Variants in KCNN3 observed in about 807,000 individuals in gnomAD.
KCNN3 encodes small conductance calcium-activated potassium channel protein 3.
KCNN3 carries 16 observed loss-of-function variants against 62.9 expected under a neutral mutation model. The observed-to-expected ratio is 0.25, with a 90% CI of 0.17 to 0.39. The LOEUF is 0.39. Among genes scored for constraint, KCNN3 ranks in the 10% least tolerant of loss-of-function variants. The probability of loss-of-function intolerance (pLI) is 1.00; values close to 1 mark genes in which losing one functional copy is unlikely to be tolerated. For synonymous variants in KCNN3, 370 were observed against 389.2 expected (o/e 0.95, Z 0.58); for missense variants, 599 against 949.4 (o/e 0.63, Z 4.85).
chr1:154,782,166 T>C (rs1220453845), intron 2 of KCNN3, among the ~76,000 whole-genome samples: 2 of 152,172 alleles, frequency 1.3e-5, no homozygotes, highest in Non-Finnish European at 2.9e-5. Context: ...CCCAGATCAT[T>C]GGGACCTTGG....
In KCNN3 at chr1:154,733,007, A is replaced by T; in HGVS notation, c.1586T>A (p.Ile529Asn). 6.2e-7 allele frequency: 1 copy of T among 1,614,144 alleles called. No individual in the cohort carries two copies. Among genetic ancestry groups the T allele is most frequent in the Non-Finnish European group, 8.5e-7 (1 of 1,180,010 alleles). The change falls in exon 4 of 8, where the codon ATC becomes AAC. Residue 529 changes from isoleucine to asparagine, a missense_variant. Physicochemically the swap from Ile to Asn is moderately radical, Grantham distance 149 (BLOSUM62 -3). Transcript: ENST00000271915. ...TGGGGAGAGGCGGGTACTCACCATGATGCCAGTGAGGAGACAGACACCTTT... is the reference window on the plus strand; with the variant it reads ...TGGGGAGAGGCGGGTACTCACCATGTTGCCAGTGAGGAGACAGACACCTTT... Reference protein sequence around the residue: ...CGKGVCLLTGIMGAGCTALVV... With the variant: ...CGKGVCLLTGNMGAGCTALVV...
chr1:154,836,019 C>T (rs182424170), intron 1 of KCNN3, among the ~76,000 whole-genome samples: 4 of 152,294 alleles, frequency 2.6e-5, no homozygotes, highest in East Asian at 1.9e-4. Context: ...GATCTGAGGG[C>T]GTCTGGAGGC....
intron 6 of KCNN3, among the ~76,000 whole-genome samples, chr1:154,714,126 G>T (rs200401800): frequency 1.8e-4 from 1 of 5,428 alleles, no homozygotes; most frequent in Non-Finnish European, 4.4e-4. Context: ...GTGTGTGTGG[G>T]TTGTGTGTGT....
At position 154,708,533 on chromosome 1, in the gene KCNN3, C is replaced by CT. The variant is rs201926552; in HGVS notation, c.1900-262dup. On this transcript the variant is annotated intron_variant, in intron 7 of 7. Transcript: ENST00000271915. Reference sequence around the variant, plus strand: ...ATGCACCAAGGGGAAAAAAATGGCCCTTTTTTTTTTCTTAAATAAAGTGAG... The same window carrying CT: ...ATGCACCAAGGGGAAAAAAATGGCCCTTTTTTTTTTTCTTAAATAAAGTGAG... 3.8e-3 allele frequency among the ~76,000 whole-genome samples: 561 copies of CT among 148,866 alleles called. 4 individuals are homozygous for CT. The highest frequency in any genetic ancestry group is 0.01 in the Middle Eastern group (3 of 290).
At chr1:154,718,656 G>A (rs1429546465) in intron 5 of KCNN3, among the ~76,000 whole-genome samples, 4 of 152,286 alleles carry the variant, frequency 2.6e-5, no homozygotes, top group South Asian at 2.1e-4. Flanking sequence ...ACATTGCTGC[G>A]CTTACGGAAC....
In KCNN3 at chr1:154,714,605, GGTGTGTGGTGTGTGTGTGTGTGT is replaced by G. The variant is rs1302133500; in HGVS notation, c.1829+248_1829+270del. Among the ~76,000 whole-genome samples the G allele has an allele frequency of 4.6e-4, 12 of 26,098 alleles. 1 individual carries two copies. The highest frequency in any genetic ancestry group is 1.2e-3 in the African/African-American group (11 of 8,952). The allele number at this position is 26,098 out of a possible 152,430, so 17.1% of individuals were successfully genotyped here. A position where few individuals can be genotyped will look rare whatever the true frequency, so the allele number is the denominator to read the frequency against. ...GGTGTGTATGGTGTGTGTGATGTGT[GGTGTGTGGTGTGTGTGTGTGTGT>G]GTGTGTGTGTGTGTGTGTGTAGAAT... is the stretch of plus-strand genomic sequence containing the variant. On this transcript the variant is annotated intron_variant, in intron 6 of 7. Transcript: ENST00000271915.
intron 1 of KCNN3, chr1:154,859,582 C>CT: frequency 9.9e-7 from 1 of 1,010,772 alleles, no homozygotes; most frequent in Admixed American, 1.7e-5. Context: ...CCCTGCAGGG[C>CT]CCCCTCAGCT....
intron 1 of KCNN3, among the ~76,000 whole-genome samples, chr1:154,836,768 G>A (rs1208316602): frequency 5.9e-5 from 9 of 152,292 alleles, no homozygotes; most frequent in African/African-American, 2.2e-4. Flanking sequence ...GCTGGAGCCC[G>A]AGAGCCGCCG....
intron 4 of KCNN3, among the ~76,000 whole-genome samples, chr1:154,728,642 AAAGAG>A (rs1267182621): frequency 2.0e-5 from 3 of 151,980 alleles, no homozygotes; most frequent in South Asian, 2.1e-4. Flanking sequence ...AGAGAGGAGA[AAAGAG>A]AAGAGAAGAG....
chr1:154,813,861 C>T (rs570973803), intron 2 of KCNN3, among the ~76,000 whole-genome samples: 30 of 152,170 alleles, frequency 2.0e-4, no homozygotes, highest in Admixed American at 1.4e-3. Context: ...GGAGAGCAGC[C>T]GGGGGCCCTC....
intron 5 of KCNN3, among the ~76,000 whole-genome samples, chr1:154,716,123 T>C (rs953722427): frequency 2.6e-5 from 4 of 152,342 alleles, no homozygotes; most frequent in Middle Eastern, 3.4e-3. Flanking sequence ...GACGCTGTCA[T>C]CCATTGACAT....
At chr1:154,816,788 T>C (rs1650686425) in intron 2 of KCNN3, among the ~76,000 whole-genome samples, 1 of 152,236 alleles carries the variant, frequency 6.6e-6, no homozygotes, top group African/African-American at 2.4e-5. Flanking sequence ...GAGTGCTGTC[T>C]AAAATGTAAA....
intron 2 of KCNN3, among the ~76,000 whole-genome samples, chr1:154,813,080 C>CAAGTA: frequency 6.6e-6 from 1 of 152,326 alleles, no homozygotes; most frequent in South Asian, 2.1e-4. Context: ...TGAGCTAGAA[C>CAAGTA]AAGTAGCTTG....
At chr1:154,795,753 C>T (rs1649708803) in intron 2 of KCNN3, among the ~76,000 whole-genome samples, 1 of 152,160 alleles carries the variant, frequency 6.6e-6, no homozygotes, top group Non-Finnish European at 1.5e-5. Flanking sequence ...GAGAACAGCA[C>T]TTGGAAGGAG....
intron 4 of KCNN3, among the ~76,000 whole-genome samples, chr1:154,726,857 C>T (rs886655533): frequency 2.6e-5 from 4 of 152,030 alleles, no homozygotes; most frequent in Non-Finnish European, 4.4e-5. Flanking sequence ...CAGGGGAGCC[C>T]GGGGGAGGGT....
intron 1 of KCNN3, among the ~76,000 whole-genome samples, chr1:154,847,338 G>A (rs1180612289): frequency 2.6e-5 from 4 of 152,146 alleles, no homozygotes; most frequent in Non-Finnish European, 5.9e-5. Flanking sequence ...AGCTGGGCCG[G>A]CACCCAGCTG....
intron 5 of KCNN3, among the ~76,000 whole-genome samples, chr1:154,725,045 C>T (rs954639089): frequency 2.0e-5 from 3 of 151,974 alleles, no homozygotes; most frequent in East Asian, 1.9e-4. Context: ...TTAGTAGAGA[C>T]GGGGTTTCAC....
intron 1 of KCNN3, among the ~76,000 whole-genome samples, chr1:154,847,043 C>A (rs375525928): frequency 1.2e-4 from 19 of 152,138 alleles, no homozygotes; most frequent in Middle Eastern, 3.4e-3. Flanking sequence ...CCCTCACCCC[C>A]CTCCCTGAGC....
Position 154,869,686 on chromosome 1 carries a change from G to C in KCNN3, c.279C>G (p.Ser93Arg), listed in dbSNP as rs752884227. 15 of 1,593,356 alleles carry C rather than the reference G, an allele frequency of 9.4e-6. No individual in the cohort carries two copies. In the East Asian group the frequency reaches 3.0e-4, roughly 31 times the overall value. ...GCAGCAGGCCAGGGTGGACGGGCTG[G>C]CTCTGGAGTTGGGCGAGCTGAGACA... Reference protein sequence around the residue: ...HPLSQLAQLQSQPVHPGLLHS... With the variant: ...HPLSQLAQLQRQPVHPGLLHS... Residue 93 changes from serine (S) to arginine (R), a missense_variant, in exon 1 of 8, where the codon AGC becomes AGG. Physicochemically the swap from Ser to Arg is moderately radical, Grantham distance 110. Coordinates refer to ENST00000271915, the MANE Select transcript of KCNN3 (RefSeq NM_002249.6). The surrounding 1 kb of genome is among the most constrained non-coding windows in gnomAD (Gnocchi z 6.1).
Sources: allele counts gnomAD v4.1 joint callset (sites outside exome capture counted in the v4.1 genomes callset), GRCh38; gene constraint gnomAD v4.1.1; non-coding constraint Gnocchi (gnomAD v3.1); transcripts MANE v1.5; gene names NCBI Gene and HGNC (gene_info 2026-07-23, HGNC 2026-07-21).